The following DLGAP2 variants were observed in gnomAD, a reference collection of about 807,000 sequenced individuals.
The protein encoded by DLGAP2 is disks large-associated protein 2.
Under a neutral mutation model 100.3 loss-of-function variants are expected in DLGAP2, and 26 were observed. The ratio of observed to expected loss-of-function variants is 0.26; its 90% CI spans 0.19 to 0.36. DLGAP2 has a LOEUF of 0.36. Ranked by LOEUF, DLGAP2 falls within the 10% of genes least tolerant of loss-of-function variation. DLGAP2 has a pLI of 1.00. For synonymous variants in DLGAP2, 886 were observed against 630.1 expected (o/e 1.41, Z -6.08); for missense variants, 1,858 against 1,453.2 (o/e 1.28, Z -4.53).
At chr8:819,285 C>T (rs1796542227) in intron 1 of DLGAP2, among the ~76,000 whole-genome samples, 1 of 152,092 alleles carries the variant, frequency 6.6e-6, no homozygotes, top group South Asian at 2.1e-4. Flanking sequence ...ATGACTATAT[C>T]AATAGATATC....
chr8:1,473,374 C>A (rs1490007970), intron 3 of DLGAP2, among the ~76,000 whole-genome samples: 3 of 152,176 alleles, frequency 2.0e-5, no homozygotes, highest in Non-Finnish European at 2.9e-5. Context: ...GAGAACGGAG[C>A]CTGCAGTGAG....
intron 2 of DLGAP2, among the ~76,000 whole-genome samples, chr8:1,026,068 G>A (rs558356901): frequency 7.9e-5 from 12 of 152,298 alleles, no homozygotes; most frequent in East Asian, 1.9e-4. Flanking sequence ...CATGCACTTC[G>A]TCCCGGCTTC....
intron 1 of DLGAP2, among the ~76,000 whole-genome samples, chr8:805,215 C>T (rs1261312263): frequency 6.6e-6 from 1 of 152,150 alleles, no homozygotes. Flanking sequence ...TTTCATGAAG[C>T]TCTGTCAGTG....
intron 3 of DLGAP2, among the ~76,000 whole-genome samples, chr8:1,295,698 C>T (rs1469777447): frequency 6.6e-6 from 1 of 152,176 alleles, no homozygotes; most frequent in Non-Finnish European, 1.5e-5. Context: ...TAGAAGAAAA[C>T]CCACTCCGGG....
intron 8 of DLGAP2, among the ~76,000 whole-genome samples, chr8:1,643,126 C>T (rs377077292): frequency 1.7e-5 from 1 of 58,802 alleles, no homozygotes. Flanking sequence ...AACCCGCCGG[C>T]CCTCACCTGT....
At chr8:1,505,889 C>T (rs892349920) in intron 4 of DLGAP2, among the ~76,000 whole-genome samples, 2 of 152,082 alleles carry the variant, frequency 1.3e-5, no homozygotes, top group Non-Finnish European at 2.9e-5. Context: ...ATGAAGAGTG[C>T]TATATTGACC....
chr8:1,042,135 C>G (rs1390735710), intron 2 of DLGAP2, among the ~76,000 whole-genome samples: 6 of 152,202 alleles, frequency 3.9e-5, no homozygotes, highest in Admixed American at 6.5e-5. Context: ...CAGCACCTGC[C>G]TGGCTGGGGA....
At position 1,647,728 on chromosome 8, in the gene DLGAP2, G is replaced by A. The variant is rs566708497; in HGVS notation, c.1810+14682G>A. Reference sequence around the variant, plus strand: ...TGCAGGAGCTGCCAGTCCCCTGCCGGGTCTCTCTCTCATTGCATGCCGGCT... The same window carrying A: ...TGCAGGAGCTGCCAGTCCCCTGCCGAGTCTCTCTCTCATTGCATGCCGGCT... On this transcript the variant is annotated intron_variant, in intron 8 of 14. Transcript: ENST00000637795. Among the ~76,000 whole-genome samples, 73 of 152,176 alleles carry A rather than the reference G, an allele frequency of 4.8e-4. 1 individual carries two copies. The highest frequency in any genetic ancestry group is 3.4e-3 in the Middle Eastern group (1 of 294).
chr8:1,117,676 G>C (rs933711438), intron 2 of DLGAP2, among the ~76,000 whole-genome samples: 9 of 152,192 alleles, frequency 5.9e-5, no homozygotes, highest in African/African-American at 2.2e-4. Flanking sequence ...GTGGTTGCCG[G>C]AGTGAGGGGA....
At chr8:1,569,131 A>C in intron 6 of DLGAP2, among the ~76,000 whole-genome samples, 1 of 94,542 alleles carries the variant, frequency 1.1e-5, no homozygotes, top group Non-Finnish European at 2.1e-5. Context: ...ACACAAATCC[A>C]CTCTGCCCGT....
chr8:1,460,180 A>C (rs916018026), intron 3 of DLGAP2, among the ~76,000 whole-genome samples: 2 of 152,172 alleles, frequency 1.3e-5, no homozygotes, highest in Non-Finnish European at 2.9e-5. Flanking sequence ...GAGCTACATA[A>C]GCCTAAGAAT....
At chr8:1,457,847 T>C (rs1236146044) in intron 3 of DLGAP2, among the ~76,000 whole-genome samples, 1 of 151,712 alleles carries the variant, frequency 6.6e-6, no homozygotes, top group African/African-American at 2.4e-5. Context: ...AACTCACTAC[T>C]TGTCATTTTC....
At chr8:1,334,784 A>C (rs555747060) in intron 3 of DLGAP2, among the ~76,000 whole-genome samples, 1 of 152,232 alleles carries the variant, frequency 6.6e-6, no homozygotes, top group African/African-American at 2.4e-5. Context: ...GTAACATGGT[A>C]AATACATGAT....
At chr8:988,775 G>A (rs181083158) in intron 2 of DLGAP2, among the ~76,000 whole-genome samples, 5 of 152,210 alleles carry the variant, frequency 3.3e-5, no homozygotes, top group Admixed American at 6.5e-5. Flanking sequence ...CCTGTCCCCC[G>A]GGGACCTGGT....
intron 2 of DLGAP2, among the ~76,000 whole-genome samples, chr8:952,815 T>A (rs1489682750): frequency 1.3e-5 from 2 of 152,154 alleles, no homozygotes; most frequent in African/African-American, 4.8e-5. Context: ...GCATGTGGAG[T>A]CTCATGTTTG....
At chr8:882,828 T>C (rs1401251023) in intron 1 of DLGAP2, among the ~76,000 whole-genome samples, 2 of 152,246 alleles carry the variant, frequency 1.3e-5, no homozygotes, top group African/African-American at 4.8e-5. Flanking sequence ...CGTCAGCAGC[T>C]TTCCTCTCCG....
At chr8:843,307 G>T (rs942832677) in intron 1 of DLGAP2, among the ~76,000 whole-genome samples, 1 of 152,202 alleles carries the variant, frequency 6.6e-6, no homozygotes, top group African/African-American at 2.4e-5. Context: ...TTTTATTGAC[G>T]TGTTTTTCCC....
At chr8:1,089,177 A>C (rs1169498229) in intron 2 of DLGAP2, among the ~76,000 whole-genome samples, 1 of 151,742 alleles carries the variant, frequency 6.6e-6, no homozygotes. Context: ...CACTCTCTCC[A>C]CCCCTCATCC....
intron 2 of DLGAP2, among the ~76,000 whole-genome samples, chr8:1,225,131 G>C (rs13263535): frequency 6.6e-6 from 1 of 152,030 alleles, no homozygotes; most frequent in African/African-American, 2.4e-5. Context: ...GTGCGGGAGC[G>C]TCCATGCTCA....
Sources: gnomAD v4.1 joint callset for allele counts (sites outside exome capture counted in the v4.1 genomes callset) on GRCh38, gnomAD v4.1.1 for gene constraint, MANE v1.5 for transcripts, NCBI Gene and HGNC (gene_info 2026-07-23, HGNC 2026-07-21) for gene names.